BTBD19: variants seen among roughly 807,000 people sequenced by gnomAD.
BTBD19 encodes the protein BTB domain containing 19.
A neutral mutation model predicts 36.1 loss-of-function variants in BTBD19; 20 were observed. The observed-to-expected ratio is 0.55, with a 90% confidence interval of 0.39 to 0.80. The LOEUF is 0.80. Among genes scored for constraint, BTBD19 ranks in the 30% least tolerant of loss-of-function variants. The probability of loss-of-function intolerance (pLI) is 0.00; values close to 1 mark genes in which losing one functional copy is unlikely to be tolerated. For synonymous variants in BTBD19, 157 were observed against 174.3 expected (o/e 0.90, Z 0.78); for missense variants, 325 against 389.8 (o/e 0.83, Z 1.40).
chr1:44,808,862 T>C, exon 1 of BTBD19: 1 of 1,546,788 alleles, frequency 6.5e-7, no homozygotes, highest in Admixed American at 2.0e-5. Context: ...AAGCTGAACC[T>C]TTTTCCGCAG....
chr1:44,808,953 G>A, intron 1 of BTBD19, 47 bp downstream of exon 1: 2 of 1,458,544 alleles, frequency 1.4e-6, no homozygotes, highest in South Asian at 1.3e-5. Flanking sequence ...TGGCTCTGTG[G>A]GCCCCAGGAC....
intron 4 of BTBD19, among the ~76,000 whole-genome samples, 194 bp from the exon 5 acceptor site, chr1:44,812,786 CGTGTGTGTGTGTGTGT>C (rs6143210): frequency 0.018 from 2,417 of 135,078 alleles, 47 homozygotes; most frequent in Admixed American, 0.06. Context: ...AGTGAGTCCA[CGTGTGTGTGTGTGTGT>C]GTGTGTGTGT....
chr1:44,814,199 T>TTTCTTTCA (rs1652609036), downstream of BTBD19: 1 of 151,298 alleles, frequency 6.6e-6, no homozygotes, highest in South Asian at 2.0e-4. Context: ...TCTTTCTTTC[T>TTTCTTTCA]TTCTTTCTTT....
At chr1:44,814,687 G>A (rs961902341), downstream of BTBD19, 58 of 151,598 alleles carry the variant, frequency 3.8e-4, 1 homozygote, top group African/African-American at 1.3e-3. Context: ...TGAGTAGCTG[G>A]GATTACAGAC....
At chr1:44,811,957 G>C (rs1652435657) in intron 3 of BTBD19, 82 bp from the exon 4 acceptor site, 1 of 1,147,722 alleles carries the variant, frequency 8.7e-7, no homozygotes. Context: ...ACCGCTCCAA[G>C]CCTGCTCACT....
At chr1:44,812,723 G>C (rs1431419969) in intron 4 of BTBD19, among the ~76,000 whole-genome samples, 1 of 151,908 alleles carries the variant, frequency 6.6e-6, no homozygotes, top group Non-Finnish European at 1.5e-5. Context: ...CTAGGTCCCA[G>C]GTGGGGTTTG....
At chr1:44,814,224 C>CTT (rs759557483), downstream of BTBD19, 14,109 of 116,292 alleles carry the variant, frequency 0.12, 1,352 homozygotes, top group East Asian at 0.19. Flanking sequence ...TTCTTTCTTT[C>CTT]TCTTTCCTTC....
chr1:44,814,156 T>TTCTTTCTG (rs759514735), downstream of BTBD19: 3,476 of 106,516 alleles, frequency 0.033, 106 homozygotes, highest in East Asian at 0.063. Flanking sequence ...TTCTCTTTCT[T>TTCTTTCTG]TCTTTCTTTC....
At chr1:44,812,599 A>C in intron 4 of BTBD19, 3 of 393,978 alleles carry the variant, frequency 7.6e-6, no homozygotes, top group Non-Finnish European at 1.5e-5. Flanking sequence ...CTGGAGGCTG[A>C]GGCAGGAGAA....
At chr1:44,811,876 G>C (rs965563396) in intron 3 of BTBD19, 163 bp from the exon 4 acceptor site, 1 of 452,196 alleles carries the variant, frequency 2.2e-6, no homozygotes, top group Non-Finnish European at 4.3e-6. Context: ...TAAGCCTGCT[G>C]TCTCAGGCTC....
chr1:44,812,271 G>A (rs997043567), intron 4 of BTBD19, among the ~76,000 whole-genome samples, 173 bp downstream of exon 4: 4 of 152,058 alleles, frequency 2.6e-5, no homozygotes, highest in Non-Finnish European at 5.9e-5. Context: ...TAGATCTGTG[G>A]GATCCTGGGT....
chr1:44,808,531 T>A, exon 1 of BTBD19: 1 of 295,968 alleles, frequency 3.4e-6, no homozygotes, highest in Non-Finnish European at 6.3e-6. Context: ...CCAGGGCCTC[T>A]TTCGCCGCCG....
chr1:44,811,197 G>T (rs1652395150), intron 3 of BTBD19, among the ~76,000 whole-genome samples: 1 of 150,810 alleles, frequency 6.6e-6, no homozygotes, highest in African/African-American at 2.4e-5. Flanking sequence ...TTCCAGCCTG[G>T]GTGACAGAGC....
In BTBD19 at chr1:44,813,480, G is replaced by C; in HGVS notation, c.722G>C (p.Arg241Pro). 1.3e-6 allele frequency: 2 copies of C among 1,551,022 alleles called. No individual in the cohort carries two copies. Among genetic ancestry groups the C allele is most frequent in the South Asian group, 2.4e-5 (2 of 84,036 alleles). The change falls in exon 7 of 8, where the codon CGG becomes CCG. Residue 241 changes from arginine (R) to proline (P), a missense_variant. By Grantham distance (103) the Arg-to-Pro change is moderately radical (BLOSUM62 -2). Transcript: ENST00000450269. This position sits in a 1 kb window ranked among gnomAD's most constrained non-coding sequence, Gnocchi z 7.8. ...CTGAGCGCCCTGGAAGAGCAGAACCGGCAGGAACCACTCATCCCGGTGGGG... is the reference window on the plus strand; with the variant it reads ...CTGAGCGCCCTGGAAGAGCAGAACCCGCAGGAACCACTCATCCCGGTGGGG...
At chr1:44,809,994 GAGATTCAAAGATAGGA>G (rs979520734) in intron 1 of BTBD19, among the ~76,000 whole-genome samples, 27 of 152,352 alleles carry the variant, frequency 1.8e-4, no homozygotes, top group Middle Eastern at 3.4e-3. Flanking sequence ...TGAGAAACCT[GAGATTCAAAGATAGGA>G]AGTCACTTGC....
chr1:44,815,457 C>T (rs1355103831), downstream of BTBD19: 4 of 152,188 alleles, frequency 2.6e-5, no homozygotes, highest in Non-Finnish European at 5.9e-5. Context: ...CTTGTTTTCC[C>T]GAGGATGTGA....
exon 1 of BTBD19, chr1:44,808,807 A>G: frequency 6.5e-7 from 1 of 1,528,290 alleles, no homozygotes; most frequent in Non-Finnish European, 8.8e-7. Flanking sequence ...CTCCACCCCA[A>G]CCCCTTCTCA....
At chr1:44,811,646 G>A (rs979410983) in intron 3 of BTBD19, 7 of 245,970 alleles carry the variant, frequency 2.8e-5, no homozygotes, top group African/African-American at 1.5e-4. Context: ...GTCCAGTCAG[G>A]AGGCTAGTGC....
chr1:44,813,402 T>C lies in BTBD19; in HGVS notation c.644T>C (p.Val215Ala). 3 of 1,539,646 alleles carry C rather than the reference T, an allele frequency of 1.9e-6. No individual in the cohort carries two copies. The highest frequency in any genetic ancestry group is 1.7e-6 in the Non-Finnish European group (2 of 1,146,296). Residue 215 changes from valine to alanine, a missense_variant, in exon 7 of 8, where the codon GTG becomes GCG. Physicochemically the swap from Val to Ala is moderately conservative, Grantham distance 64 (BLOSUM62 0). Transcript: ENST00000450269. The surrounding 1 kb of genome is among the most constrained non-coding windows in gnomAD (Gnocchi z 7.8). ...GTGCTGGAGCGGCCGGTGGCTGAGG[T>C]GGCGGCCCCGGTGGTGAAAGAGCTG... is the stretch of plus-strand genomic sequence containing the variant.
Sources: allele counts gnomAD v4.1 joint callset (sites outside exome capture counted in the v4.1 genomes callset), GRCh38; gene constraint gnomAD v4.1.1; non-coding constraint Gnocchi (gnomAD v3.1); transcripts MANE v1.5; gene names NCBI Gene and HGNC (gene_info 2026-07-23, HGNC 2026-07-21).